The following ZNF609 variants were observed in gnomAD, a reference collection of about 807,000 sequenced individuals.
ZNF609 encodes the protein zinc finger protein 609.
Under a neutral mutation model 109.5 loss-of-function variants are expected in ZNF609, and 11 were observed. The observed-to-expected ratio is 0.10, with a 90% CI of 0.06 to 0.17. The LOEUF (loss-of-function observed/expected upper bound fraction) is 0.17, where lower values mean the gene tolerates loss of function less well. Among genes scored for constraint, ZNF609 ranks in the 10% least tolerant of loss-of-function variants. ZNF609 has a pLI of 1.00. For synonymous variants in ZNF609, 646 were observed against 662.0 expected, an observed-to-expected ratio of 0.98 and a Z score of 0.37; for missense variants, 1,559 against 1,772.4, an observed-to-expected ratio of 0.88 and a Z score of 2.16.
At chr15:64,672,834 C>T (rs1209013889) in intron 4 of ZNF609, among the ~76,000 whole-genome samples, 2 of 150,694 alleles carry the variant, frequency 1.3e-5, no homozygotes, top group Non-Finnish European at 3.0e-5. Context: ...CGTGGTGGCT[C>T]ATGCCTGTAA....
chr15:64,638,415 C>A (rs1217739241), intron 3 of ZNF609, among the ~76,000 whole-genome samples: 1 of 151,460 alleles, frequency 6.6e-6, no homozygotes, highest in Non-Finnish European at 1.5e-5. Context: ...ATTTTAGGAT[C>A]ATCTTTGTGA....
Position 64,588,442 on chromosome 15 carries a change from A to AAAAAAAAAAG in ZNF609, c.748-34383_748-34382insAAAAAAAGAA, listed in dbSNP as rs71133451. Among the ~76,000 whole-genome samples the AAAAAAAAAAG allele has an allele frequency of 3.9e-4, 29 of 75,276 alleles. 4 individuals carry two copies. Among genetic ancestry groups the AAAAAAAAAAG allele is most frequent in the Admixed American group, 9.5e-4 (4 of 4,220 alleles). 49.4% of individuals were successfully genotyped at this position (75,276 alleles called of 152,430 possible). ...CACTCTGTCTAAAAAAAAAAAAAAAAAAGAAGAGGAAGACTGTACAGACTA... is the reference window on the plus strand; with the variant it reads ...CACTCTGTCTAAAAAAAAAAAAAAAAAAAAAAAAAGAAGAAGAGGAAGACTGTACAGACTA... On this transcript the variant is annotated intron_variant, in intron 2 of 9. Transcript: ENST00000326648.
intron 2 of ZNF609, among the ~76,000 whole-genome samples, chr15:64,550,547 A>T (rs1409948691): frequency 1.2e-4 from 18 of 151,998 alleles, no homozygotes; most frequent in Admixed American, 1.2e-3. Context: ...ATAATTAAAA[A>T]AAAAAAGAGG....
At chr15:64,638,551 G>C (rs1000646746) in intron 3 of ZNF609, among the ~76,000 whole-genome samples, 7 of 151,970 alleles carry the variant, frequency 4.6e-5, no homozygotes, top group African/African-American at 1.7e-4. Flanking sequence ...GAATTGGGGG[G>C]AGGGGGGATC....
At chr15:64,486,791 A>G (rs1374972770) in intron 1 of ZNF609, among the ~76,000 whole-genome samples, 1 of 151,892 alleles carries the variant, frequency 6.6e-6, no homozygotes, top group Non-Finnish European at 1.5e-5. Context: ...AATTTTTTGT[A>G]TTTTTAGTAG....
chr15:64,513,776 T>TGGG (rs1400298373), intron 2 of ZNF609, among the ~76,000 whole-genome samples: 72 of 152,158 alleles, frequency 4.7e-4, no homozygotes, highest in Non-Finnish European at 1.0e-4. Flanking sequence ...GAGAGGCACA[T>TGGG]GGGAGTGGAA....
intron 2 of ZNF609, among the ~76,000 whole-genome samples, chr15:64,575,708 G>C (rs1894940657): frequency 6.6e-6 from 1 of 152,108 alleles, no homozygotes; most frequent in Non-Finnish European, 1.5e-5. Context: ...ATTTAAGCAA[G>C]GTAAACTTAA....
At chr15:64,505,254 G>A (rs1366012026) in intron 2 of ZNF609, among the ~76,000 whole-genome samples, 1 of 152,036 alleles carries the variant, frequency 6.6e-6, no homozygotes, top group Admixed American at 6.5e-5. Flanking sequence ...TGTGTGTTCT[G>A]GAATATTTCA....
chr15:64,468,423 T>A (rs1893045183), intron 1 of ZNF609, among the ~76,000 whole-genome samples: 3 of 151,730 alleles, frequency 2.0e-5, no homozygotes, highest in Non-Finnish European at 4.4e-5. Flanking sequence ...ACCTGGCTAA[T>A]TTTTTTGTGT....
intron 2 of ZNF609, chr15:64,529,193 G>C (rs1595708637): frequency 1.4e-6 from 1 of 733,500 alleles, no homozygotes; most frequent in Admixed American, 1.7e-5. Flanking sequence ...ACCTTGGCTG[G>C]GGCGCTAAGC....
At chr15:64,607,935 G>C (rs1163369806) in intron 2 of ZNF609, among the ~76,000 whole-genome samples, 1 of 104,588 alleles carries the variant, frequency 9.6e-6, no homozygotes, top group African/African-American at 3.9e-5. Flanking sequence ...GTCTCACTCT[G>C]TTGCCCGGGC....
chr15:64,631,140 A>G, intron 3 of ZNF609: 1 of 582,564 alleles, frequency 1.7e-6, no homozygotes, highest in Admixed American at 2.0e-5. Context: ...AAGAGGTTCC[A>G]GCAGTTCAGG....
intron 2 of ZNF609, among the ~76,000 whole-genome samples, chr15:64,547,911 AT>A (rs1436706131): frequency 6.6e-6 from 1 of 152,166 alleles, no homozygotes; most frequent in African/African-American, 2.4e-5. Flanking sequence ...AAATATATTG[AT>A]TTTAATACCC....
At position 64,641,219 on chromosome 15, in the gene ZNF609, C is replaced by CTTTTTTTTTTTTTTTT. The variant is rs34007985; in HGVS notation, c.973+18182_973+18183insTTTTTTTTTTTTTTTT. On this transcript the variant is annotated intron_variant, in intron 3 of 9. Transcript: ENST00000326648. ...TGGGTGTTAGTTACACTTGTGCTTTCTTTTTTTTTTTTTTTGAGATGGAGT... is the reference window on the plus strand; with the variant it reads ...TGGGTGTTAGTTACACTTGTGCTTTCTTTTTTTTTTTTTTTTTTTTTTTTTTTTTTTGAGATGGAGT... Among the ~76,000 whole-genome samples, 194 of 69,666 alleles carry CTTTTTTTTTTTTTTTT rather than the reference C, an allele frequency of 2.8e-3. 31 individuals are homozygous for CTTTTTTTTTTTTTTTT. Among genetic ancestry groups the CTTTTTTTTTTTTTTTT allele is most frequent in the Non-Finnish European group, 3.2e-3 (121 of 38,096 alleles). The allele number at this position is 69,666 out of a possible 152,430, so 45.7% of individuals were successfully genotyped here.
At chr15:64,478,155 G>GGGGTGT (rs1555413999) in intron 1 of ZNF609, among the ~76,000 whole-genome samples, 11 of 138,196 alleles carry the variant, frequency 8.0e-5, no homozygotes, top group South Asian at 2.4e-4. Context: ...TTAGAATAAA[G>GGGGTGT]GTGTGTGTGT....
chr15:64,630,091 C>CTTTTTTTTTTTTTT lies in ZNF609; in HGVS notation c.973+7045_973+7046insTTTTTTTTTTTTTT, dbSNP rs200425813. 4.9e-5 allele frequency among the ~76,000 whole-genome samples: 7 copies of CTTTTTTTTTTTTTT among 143,090 alleles called. 1 individual carries two copies. Among genetic ancestry groups the CTTTTTTTTTTTTTT allele is most frequent in the Non-Finnish European group, 7.5e-5 (5 of 66,392 alleles). 93.9% of individuals were successfully genotyped at this position (143,090 alleles called of 152,430 possible). ...CCTACATTACCATCCTCCTAATTTT[C>CTTTTTTTTTTTTTT]TTTTTTCTTTTTTTTTTTTTTTTTG... On this transcript the variant is annotated intron_variant, in intron 3 of 9. Transcript: ENST00000326648.
intron 3 of ZNF609, among the ~76,000 whole-genome samples, chr15:64,633,669 A>G (rs1056565155): frequency 2.0e-5 from 3 of 152,206 alleles, no homozygotes; most frequent in Non-Finnish European, 4.4e-5. Context: ...GAGAAGCTGT[A>G]ACAGAGACCA....
chr15:64,654,832 C>G (rs1896466035), intron 3 of ZNF609, among the ~76,000 whole-genome samples: 1 of 152,166 alleles, frequency 6.6e-6, no homozygotes, highest in South Asian at 2.1e-4. Flanking sequence ...CACGGTGGCT[C>G]ACGCCTGTAA....
intron 2 of ZNF609, among the ~76,000 whole-genome samples, chr15:64,506,819 A>C (rs1222954217): frequency 6.6e-6 from 1 of 152,220 alleles, no homozygotes; most frequent in African/African-American, 2.4e-5. Flanking sequence ...TATTAGAAAA[A>C]AGAAAAATAC....
Sources: allele counts gnomAD v4.1 joint callset (sites outside exome capture counted in the v4.1 genomes callset), GRCh38; gene constraint gnomAD v4.1.1; transcripts MANE v1.5; gene names NCBI Gene and HGNC (gene_info 2026-07-23, HGNC 2026-07-21).